The following CNTN4 variants were observed in gnomAD, a reference collection of about 807,000 sequenced individuals.
The protein encoded by CNTN4 is contactin 4, also known as contactin-4.
Under a neutral mutation model 122.5 loss-of-function variants are expected in CNTN4, and 77 were observed. The observed-to-expected ratio is 0.63, with a 90% confidence interval of 0.52 to 0.76. The LOEUF is 0.76. CNTN4 is among the 30% of genes least tolerant of loss of function. The probability of loss-of-function intolerance (pLI) is 0.00; values close to 1 mark genes in which losing one functional copy is unlikely to be tolerated. For synonymous variants in CNTN4, 512 were observed against 447.0 expected (o/e 1.15, Z -1.83); for missense variants, 1,256 against 1,259.1 (o/e 1.00, Z 0.04).
intron 2 of CNTN4, among the ~76,000 whole-genome samples, chr3:2,171,067 A>G (rs115484730): frequency 1.8e-4 from 27 of 152,354 alleles, no homozygotes; most frequent in African/African-American, 5.5e-4. Context: ...TAACTATAAT[A>G]GAGGAAGATG....
At chr3:2,174,091 A>G (rs1294855138) in intron 2 of CNTN4, among the ~76,000 whole-genome samples, 1 of 152,260 alleles carries the variant, frequency 6.6e-6, no homozygotes, top group South Asian at 2.1e-4. Context: ...TTTGGTGAGT[A>G]GTTGAATAAG....
At chr3:2,431,457 G>C (rs968612526) in intron 3 of CNTN4, among the ~76,000 whole-genome samples, 4 of 152,234 alleles carry the variant, frequency 2.6e-5, no homozygotes, top group South Asian at 4.1e-4. Flanking sequence ...ACATTGAAAA[G>C]GTGCTTTTGA....
rs1227042812 is a variant in CNTN4 at position 2,381,411 on chromosome 3, T to G, written c.-89+42178T>G. ...AGAACAATGTACAGAACAGTCAACATGACAATCAGATCAAGTTTCACCTTC... is the reference window on the plus strand; with the variant it reads ...AGAACAATGTACAGAACAGTCAACAGGACAATCAGATCAAGTTTCACCTTC... On this transcript the variant is annotated intron_variant, in intron 3 of 24. Transcript: ENST00000418658. Among the ~76,000 whole-genome samples the G allele has an allele frequency of 2.0e-5, 3 of 152,330 alleles. No homozygotes were observed. In the East Asian group the frequency reaches 5.8e-4, roughly 29 times the overall value.
At chr3:2,946,247 A>G (rs142014897) in intron 13 of CNTN4, among the ~76,000 whole-genome samples, 476 of 152,266 alleles carry the variant, frequency 3.1e-3, no homozygotes, top group Non-Finnish European at 5.0e-3. Flanking sequence ...GGGAGGGTCA[A>G]TAGGAGTGTA....
rs80306166 is a variant in CNTN4, at chr3:2,196,610, G to A, written c.-145+95971G>A. On this transcript the variant is annotated intron_variant, in intron 2 of 24. Transcript: ENST00000418658. ...TTCATCATTCAACAGTTACTAGTACGTACCCTATACCAAGCATAAAGAAAT... is the reference window on the plus strand; with the variant it reads ...TTCATCATTCAACAGTTACTAGTACATACCCTATACCAAGCATAAAGAAAT... Among the ~76,000 whole-genome samples the A allele has an allele frequency of 8.2e-3, 1,240 of 152,058 alleles. 14 individuals are homozygous for A. Among genetic ancestry groups the A allele is most frequent in the African/African-American group, 0.028 (1,146 of 41,470 alleles).
intron 4 of CNTN4, among the ~76,000 whole-genome samples, chr3:2,721,677 T>C (rs1202522907): frequency 6.6e-6 from 1 of 151,998 alleles, no homozygotes; most frequent in Admixed American, 6.5e-5. Flanking sequence ...CAGTTACTGC[T>C]GTTTTTGCCT....
intron 4 of CNTN4, among the ~76,000 whole-genome samples, chr3:2,729,855 A>G (rs2088547921): frequency 1.3e-5 from 2 of 152,220 alleles, no homozygotes; most frequent in Non-Finnish European, 2.9e-5. Context: ...CGGAGGTTGC[A>G]GTGAGCAGAG....
At chr3:2,494,270 A>G (rs1275456103) in intron 3 of CNTN4, among the ~76,000 whole-genome samples, 1 of 152,186 alleles carries the variant, frequency 6.6e-6, no homozygotes, top group Admixed American at 6.5e-5. Flanking sequence ...TTTAGGGGAC[A>G]GAAGTTACAG....
At chr3:3,015,859 A>G (rs1697709565) in intron 14 of CNTN4, among the ~76,000 whole-genome samples, 1 of 152,180 alleles carries the variant, frequency 6.6e-6, no homozygotes, top group Non-Finnish European at 1.5e-5. Flanking sequence ...TTATCAGTAG[A>G]TGCAGCCCGA....
intron 2 of CNTN4, among the ~76,000 whole-genome samples, chr3:2,115,586 A>G (rs13434193): frequency 0.11 from 17,054 of 152,260 alleles, 1,101 homozygotes; most frequent in Non-Finnish European, 0.14. Context: ...AGCCCATGGC[A>G]TTTTCCACAG....
At chr3:2,808,775 G>C (rs1183605519) in intron 6 of CNTN4, among the ~76,000 whole-genome samples, 1 of 149,246 alleles carries the variant, frequency 6.7e-6, no homozygotes, top group African/African-American at 2.5e-5. Flanking sequence ...TTAAGGATGG[G>C]GATGCGGGAA....
At chr3:2,804,491 G>A (rs2092418925) in intron 6 of CNTN4, among the ~76,000 whole-genome samples, 1 of 152,124 alleles carries the variant, frequency 6.6e-6, no homozygotes, top group South Asian at 2.1e-4. Flanking sequence ...TTGTTCAGAG[G>A]ATTCGATTTT....
chr3:2,139,172 C>T (rs967897245), intron 2 of CNTN4, among the ~76,000 whole-genome samples: 1 of 151,952 alleles, frequency 6.6e-6, no homozygotes, highest in Admixed American at 6.6e-5. Flanking sequence ...TTGTAGTCCC[C>T]TTAGTATATT....
intron 4 of CNTN4, among the ~76,000 whole-genome samples, chr3:2,671,771 G>T (rs908333780): frequency 3.3e-5 from 5 of 152,152 alleles, no homozygotes; most frequent in Non-Finnish European, 7.3e-5. Context: ...TACAGATGGG[G>T]TTTTGGTGTG....
At chr3:2,613,276 G>C (rs189382201) in intron 4 of CNTN4, among the ~76,000 whole-genome samples, 1 of 151,852 alleles carries the variant, frequency 6.6e-6, no homozygotes, top group Non-Finnish European at 1.5e-5. Context: ...GTTTCTTCTC[G>C]CTTCTCATTA....
chr3:2,610,308 T>C (rs1220530926), intron 4 of CNTN4, among the ~76,000 whole-genome samples: 1 of 152,218 alleles, frequency 6.6e-6, no homozygotes, highest in Non-Finnish European at 1.5e-5. Flanking sequence ...TTGGTTCTTA[T>C]TTGTATAATG....
intron 15 of CNTN4, among the ~76,000 whole-genome samples, chr3:3,028,069 A>G (rs1287868622): frequency 6.6e-6 from 1 of 152,204 alleles, no homozygotes; most frequent in African/African-American, 2.4e-5. Context: ...AGGACTTGAC[A>G]ATAGAAGAGA....
chr3:2,481,204 G>A (rs1166103845), intron 3 of CNTN4, among the ~76,000 whole-genome samples: 2 of 151,008 alleles, frequency 1.3e-5, no homozygotes, highest in Non-Finnish European at 3.0e-5. Flanking sequence ...GCAGTGGGGC[G>A]ATCTTGGCTC....
intron 3 of CNTN4, among the ~76,000 whole-genome samples, chr3:2,526,737 G>GT (rs975234065): frequency 1.3e-5 from 2 of 151,968 alleles, no homozygotes; most frequent in African/African-American, 2.4e-5. Context: ...CTTCCCTGAG[G>GT]TTTTTTTACT....
Sources: gnomAD v4.1 joint callset for allele counts (sites outside exome capture counted in the v4.1 genomes callset) on GRCh38, gnomAD v4.1.1 for gene constraint, MANE v1.5 for transcripts, NCBI Gene and HGNC (gene_info 2026-07-23, HGNC 2026-07-21) for gene names.